The following ADAMTS8 variants were observed in gnomAD, a reference collection of about 807,000 sequenced individuals.
The protein encoded by ADAMTS8 is ADAM metallopeptidase with thrombospondin type 1 motif 8.
A neutral mutation model predicts 64.4 loss-of-function variants in ADAMTS8; 50 were observed. The observed-to-expected ratio is 0.78, with a 90% CI of 0.62 to 0.98. The LOEUF (loss-of-function observed/expected upper bound fraction) is 0.98, where lower values mean the gene tolerates loss of function less well. Among genes scored for constraint, ADAMTS8 ranks in the 50% least tolerant of loss-of-function variants. The pLI is 0.00. For synonymous variants in ADAMTS8, 556 were observed against 533.6 expected, an observed-to-expected ratio of 1.04 and a Z score of -0.58; for missense variants, 1,192 against 1,208.2, an observed-to-expected ratio of 0.99 and a Z score of 0.20.
At chr11:130,413,617 A>T (rs1861980570) in intron 5 of ADAMTS8, among the ~76,000 whole-genome samples, 1 of 152,024 alleles carries the variant, frequency 6.6e-6, no homozygotes. Context: ...ATCATTTAAA[A>T]ACCCTCACTG....
At chr11:130,407,137 G>A (rs1475776980) in intron 8 of ADAMTS8, among the ~76,000 whole-genome samples, 2 of 152,192 alleles carry the variant, frequency 1.3e-5, no homozygotes, top group African/African-American at 4.8e-5. Flanking sequence ...GGAGGCCAAG[G>A]CGGGCGGATC....
At position 130,428,256 on chromosome 11, in the gene ADAMTS8, G is replaced by A; in HGVS notation, c.31C>T (p.Pro11Ser). 1 of 1,216,118 alleles carries A rather than the reference G, an allele frequency of 8.2e-7. No homozygotes were observed. Among genetic ancestry groups the A allele is most frequent in the Non-Finnish European group, 1.0e-6 (1 of 982,262 alleles). The allele number at this position is 1,216,118 out of a possible 1,614,324, so 75.3% of individuals were successfully genotyped here. MLPAPAAPRW[P>S]PLLLLLLLLL... ...AGCAGCAGCAGCAGCAGGAGCGGAG[G>A]CCACCGGGGGGCGGCGGGGGCGGGG... The change falls in exon 1 of 9, where the codon CCT becomes TCT. Residue 11 changes from proline to serine, a missense_variant. By Grantham distance (74) the Pro-to-Ser change is moderately conservative. Around this residue, in one of 5 missense-constraint regions of ADAMTS8, gnomAD observed 741 missense variants for 710.6 expected, o/e 1.04. Coordinates refer to ENST00000257359, the MANE Select transcript of ADAMTS8 (RefSeq NM_007037.6).
In ADAMTS8 at chr11:130,405,264, G is replaced by C; in HGVS notation, c.*294C>G. On this transcript the variant is annotated 3_prime_UTR_variant, in exon 9 of 9. Transcript: ENST00000257359. ...AGTCCTTTGCAAACAGACTGACGCT[G>C]AGTGTCCTGTCTGAGTCAATAAGTG... is the stretch of plus-strand genomic sequence containing the variant. 1.7e-6 allele frequency: 2 copies of C among 1,193,432 alleles called. No individual in the cohort carries two copies. Among genetic ancestry groups the C allele is most frequent in the Admixed American group, 4.1e-5 (1 of 24,542 alleles). 73.9% of individuals were successfully genotyped at this position (1,193,432 alleles called of 1,614,324 possible).
chr11:130,414,854 G>T (rs1408770746), intron 4 of ADAMTS8, 22 bp from the exon 5 acceptor site: 1 of 1,585,476 alleles, frequency 6.3e-7, no homozygotes, highest in Non-Finnish European at 8.6e-7. Context: ...GGAAGCAGGG[G>T]TGTAAGAACA....
At position 130,427,634 on chromosome 11, in the gene ADAMTS8, G is replaced by A. The variant is rs757411745; in HGVS notation, c.653C>T (p.Ala218Val). Residue 218 changes from alanine to valine, a missense_variant, in exon 1 of 9, where the codon GCG (alanine) becomes GTG (valine). Around this residue, in one of 5 missense-constraint regions of ADAMTS8, gnomAD observed 741 missense variants for 710.6 expected, o/e 1.04. Transcript: ENST00000257359. ...CACCAGCAGCGTCTCCACGAAGCGC[G>A]CCTCAGACACAAACCGCTTGGTCCT... The part of the protein sequence containing the change: ...TSRTKRFVSE[A>V]RFVETLLVAD... The A allele has an allele frequency of 6.4e-7, 1 of 1,574,570 alleles. No individual in the cohort carries two copies. Among genetic ancestry groups the A allele is most frequent in the South Asian group, 1.2e-5 (1 of 86,280 alleles).
chr11:130,405,992 C>T lies in ADAMTS8; in HGVS notation c.2236G>A (p.Gly746Ser), dbSNP rs374251313. Residue 746 changes from glycine to serine, a missense_variant, in exon 9 of 9, where the codon GGC (glycine) becomes AGC (serine). Around this residue, in one of 5 missense-constraint regions of ADAMTS8, gnomAD observed 290 missense variants for 297.8 expected, o/e 0.97. Transcript: ENST00000257359. ...KTADGQYLLN[G>S]NLAISAIEQD... ...TCTATGGCAGAGATGGCCAGGTTGC[C>T]GTTGAGCAGGTACTGCCCATCAGCC... The T allele has an allele frequency of 2.7e-5, 44 of 1,614,084 alleles. No homozygotes were observed. Among genetic ancestry groups the T allele is most frequent in the Admixed American group, 6.7e-5 (4 of 60,006 alleles).
At chr11:130,426,082 G>T (rs966095818) in intron 1 of ADAMTS8, among the ~76,000 whole-genome samples, 1 of 152,232 alleles carries the variant, frequency 6.6e-6, no homozygotes, top group African/African-American at 2.4e-5. Context: ...AGGGAAACAG[G>T]TGTTAAATCA....
chr11:130,416,072 T>C lies in ADAMTS8; in HGVS notation c.1264+91A>G. 1.4e-6 allele frequency: 2 copies of C among 1,418,588 alleles called. No individual in the cohort carries two copies. The highest frequency in any genetic ancestry group is 4.8e-5 in the Admixed American group (2 of 41,304). 87.9% of individuals were successfully genotyped at this position (1,418,588 alleles called of 1,614,324 possible). ...GCCGGGGACTCAGCTCTAAGGGCCC[T>C]GTGAGGAGGCACAGCTGGAGGGGGT... On this transcript the variant is annotated intron_variant, in intron 4 of 8. Coordinates refer to ENST00000257359, the MANE Select transcript of ADAMTS8 (RefSeq NM_007037.6). The surrounding 1 kb of genome is among the most constrained non-coding windows in gnomAD (Gnocchi z 4.8).
Position 130,416,748 on chromosome 11 carries a change from C to T in ADAMTS8, c.1096+192G>A, listed in dbSNP as rs1862030267. ...GCTGCTTTTGTATTTTGGCCATGTG[C>T]TCGGGGTGGGAGCGGAGTTGTGTTC... On this transcript the variant is annotated intron_variant, in intron 3 of 8. Coordinates refer to ENST00000257359, the MANE Select transcript of ADAMTS8 (RefSeq NM_007037.6). The surrounding 1 kb of genome is among the most constrained non-coding windows in gnomAD (Gnocchi z 4.8). 6.6e-6 allele frequency among the ~76,000 whole-genome samples: 1 copy of T among 152,138 alleles called. No homozygotes were observed. The highest frequency in any genetic ancestry group is 2.1e-4 in the South Asian group (1 of 4,828).
At position 130,406,097 on chromosome 11, in the gene ADAMTS8, C is replaced by T; in HGVS notation, c.2131G>A (p.Ala711Thr). Residue 711 changes from alanine (A) to threonine (T), a missense_variant, in exon 9 of 9, where the codon GCT (alanine) becomes ACT (threonine). This residue lies in a region of ADAMTS8 where 290 missense variants were observed against 297.8 expected (regional missense o/e 0.97). Coordinates refer to ENST00000257359, the MANE Select transcript of ADAMTS8 (RefSeq NM_007037.6). ...TTCACGTCAATATTAGTGGCACCAG[C>T]TGGGATGGTGACAATGTCATTGTAG... Reference protein sequence around the residue: ...YGYNDIVTIPAGATNIDVKQR... With the variant: ...YGYNDIVTIPTGATNIDVKQR... The T allele has an allele frequency of 6.2e-7, 1 of 1,611,682 alleles. No individual in the cohort carries two copies. Among genetic ancestry groups the T allele is most frequent in the Non-Finnish European group, 8.5e-7 (1 of 1,179,784 alleles).
chr11:130,406,090 G>T lies in ADAMTS8; in HGVS notation c.2138C>A (p.Ala713Asp). 1 of 1,612,308 alleles carries T rather than the reference G, an allele frequency of 6.2e-7. No individual in the cohort carries two copies. Among genetic ancestry groups the T allele is most frequent in the Non-Finnish European group, 8.5e-7 (1 of 1,179,890 alleles). ...YNDIVTIPAG[A>D]TNIDVKQRSH... is the part of the protein sequence containing the mutation. ...CCGCTGCTTCACGTCAATATTAGTG[G>T]CACCAGCTGGGATGGTGACAATGTC... The change falls in exon 9 of 9, where the codon GCC becomes GAC. Residue 713 changes from alanine to aspartate, a missense_variant. Physicochemically the swap from Ala to Asp is moderately radical, Grantham distance 126. Coordinates refer to ENST00000257359, the MANE Select transcript of ADAMTS8 (RefSeq NM_007037.6).
At position 130,405,033 on chromosome 11, in the gene ADAMTS8, G is replaced by A. The variant is rs931777255; in HGVS notation, c.*525C>T. On this transcript the variant is annotated 3_prime_UTR_variant, in exon 9 of 9. Transcript: ENST00000257359. ...CATGTGGCTCTCCAAACCCTGCGACGCTGCGGCCCTTTAGGTGATGGATTT... is the reference window on the plus strand; with the variant it reads ...CATGTGGCTCTCCAAACCCTGCGACACTGCGGCCCTTTAGGTGATGGATTT... The A allele has an allele frequency of 7.1e-6, 7 of 986,896 alleles. No individual in the cohort carries two copies. Among genetic ancestry groups the A allele is most frequent in the Non-Finnish European group, 7.2e-6 (6 of 830,760 alleles). The allele number at this position is 986,896 out of a possible 1,614,324, so 61.1% of individuals were successfully genotyped here.
At position 130,408,595 on chromosome 11, in the gene ADAMTS8, A is replaced by G. The variant is rs1861913363; in HGVS notation, c.1968T>C (p.Cys656=). The change falls in exon 8 of 9, where the codon TGT becomes TGC. Residue 656 remains cysteine, a synonymous_variant. Transcript: ENST00000257359. The part of the protein sequence containing the change: ...TLCGPETLAI[C]VRGQCVKAGC... ...CGGCCTTGACACACTGGCCACGGAC[A>G]CAGATGGCCAGTGTTTCTGGCCCAC... The G allele has an allele frequency of 6.2e-7, 1 of 1,614,192 alleles. No individual in the cohort carries two copies. The highest frequency in any genetic ancestry group is 8.5e-7 in the Non-Finnish European group (1 of 1,180,042).
chr11:130,413,472 C>T (rs529730660), intron 5 of ADAMTS8, among the ~76,000 whole-genome samples: 3 of 152,274 alleles, frequency 2.0e-5, no homozygotes, highest in East Asian at 1.9e-4. Context: ...GCCACCCTGG[C>T]GATTCAGCGC....
rs1012998477 is a variant in ADAMTS8 at position 130,405,309 on chromosome 11, A to G, written c.*249T>C. The G allele has an allele frequency of 3.5e-5, 46 of 1,300,226 alleles. No individual in the cohort carries two copies. The highest frequency in any genetic ancestry group is 4.1e-5 in the Non-Finnish European group (42 of 1,027,946). 80.5% of individuals were successfully genotyped at this position (1,300,226 alleles called of 1,614,324 possible). ...TAAGTGCACTTTTACCTTTTAACCT[A>G]TGCCCTCTACTTGAACCCGAGCAAG... On this transcript the variant is annotated 3_prime_UTR_variant, in exon 9 of 9. Transcript: ENST00000257359.
Position 130,421,158 on chromosome 11 carries a change from G to C in ADAMTS8, c.721-1866C>G, listed in dbSNP as rs1592133940. Among the ~76,000 whole-genome samples, 4 of 152,340 alleles carry C rather than the reference G, an allele frequency of 2.6e-5. No individual in the cohort carries two copies. The South Asian group carries it at 6.2e-4, about 24-fold the overall frequency. Reference sequence around the variant, plus strand: ...CGGGGCCGAGACAGCTCAGCACAAGGAGCTAAAGACAGGAGGTTGGGGCAA... The same window carrying C: ...CGGGGCCGAGACAGCTCAGCACAAGCAGCTAAAGACAGGAGGTTGGGGCAA... On this transcript the variant is annotated intron_variant, in intron 1 of 8. Coordinates refer to ENST00000257359, the MANE Select transcript of ADAMTS8 (RefSeq NM_007037.6).
chr11:130,410,189 G>A (rs112072668), intron 6 of ADAMTS8, among the ~76,000 whole-genome samples: 2,774 of 152,160 alleles, frequency 0.018, 29 homozygotes, highest in African/African-American at 0.035. Context: ...TTCTCCGAGC[G>A]CCTCACCAAC....
chr11:130,415,138 C>T (rs1352878066), intron 4 of ADAMTS8, among the ~76,000 whole-genome samples: 1 of 152,222 alleles, frequency 6.6e-6, no homozygotes, highest in African/African-American at 2.4e-5. Context: ...CCTAACCGTG[C>T]TCCTGAAAGC....
chr11:130,427,728 C>T lies in ADAMTS8; in HGVS notation c.559G>A (p.Glu187Lys), dbSNP rs1473199674. ...GCCTCCTCTTCTTGGCTCTCCTCCT[C>T]GCTGTCCTCCTGGTGGTCTCCTCTC... ...QERGDHQEDS[E>K]EESQEEEAEG... Residue 187 changes from glutamate (E) to lysine (K), a missense_variant, in exon 1 of 9, where the codon GAG (glutamate) becomes AAG (lysine). Coordinates refer to ENST00000257359, the MANE Select transcript of ADAMTS8 (RefSeq NM_007037.6). 1.9e-6 allele frequency: 3 copies of T among 1,595,598 alleles called. No homozygotes were observed. The highest frequency in any genetic ancestry group is 1.7e-5 in the Admixed American group (1 of 58,230).
Sources: allele counts gnomAD v4.1 joint callset (sites outside exome capture counted in the v4.1 genomes callset), GRCh38; gene constraint gnomAD v4.1.1; regional missense constraint gnomAD v4.1.1; non-coding constraint Gnocchi (gnomAD v3.1); transcripts MANE v1.5; gene names NCBI Gene and HGNC (gene_info 2026-07-23, HGNC 2026-07-21).